The following TASP1 variants were observed in gnomAD, a reference collection of about 807,000 sequenced individuals.
TASP1 encodes taspase 1, also known as threonine aspartase 1.
TASP1 carries 16 observed loss-of-function variants against 56.6 expected under a neutral mutation model. The observed-to-expected ratio is 0.28, with a 90% confidence interval of 0.19 to 0.43. The LOEUF is 0.43. Ranked by LOEUF, TASP1 falls within the 20% of genes least tolerant of loss-of-function variation. TASP1 has a pLI of 1.00. For synonymous variants in TASP1, 179 were observed against 184.2 expected (o/e 0.97, Z 0.23); for missense variants, 393 against 511.6 (o/e 0.77, Z 2.24).
intron 13 of TASP1, among the ~76,000 whole-genome samples, chr20:13,416,639 A>G (rs2042264679): frequency 6.6e-6 from 1 of 152,226 alleles, no homozygotes; most frequent in Admixed American, 6.5e-5. Flanking sequence ...AAAATAAATC[A>G]TTTCTTTTAA....
chr20:13,387,184 ATTTTTTTTTTTTTTTTT>A (rs779048448), downstream of TASP1, among the ~76,000 whole-genome samples: 1 of 70,694 alleles, frequency 1.4e-5, no homozygotes, highest in African/African-American at 6.7e-5. Flanking sequence ...ACATGATTTC[ATTTTTTTTTTTTTTTTT>A]TTTTTTTTTG....
chr20:13,195,728 T>C, the TASP1 span, among the ~76,000 whole-genome samples: 1 of 152,138 alleles, frequency 6.6e-6, no homozygotes, highest in Non-Finnish European at 1.5e-5. Context: ...AATGAAGACA[T>C]AGAACAAACT....
the TASP1 span, among the ~76,000 whole-genome samples, chr20:13,375,222 A>G: frequency 6.6e-6 from 1 of 151,886 alleles, no homozygotes; most frequent in African/African-American, 2.4e-5. Context: ...TCCTAATGCT[A>G]TCCCTCCCCG....
chr20:13,623,625 T>C, intron 3 of TASP1, 111 bp from the exon 4 acceptor site: 1 of 755,902 alleles, frequency 1.3e-6, no homozygotes, highest in East Asian at 2.6e-5. Context: ...TGACCACTAG[T>C]TCCATTCCAT....
intron 8 of TASP1, among the ~76,000 whole-genome samples, chr20:13,537,687 A>T (rs1309821881): frequency 6.6e-6 from 1 of 152,184 alleles, no homozygotes; most frequent in East Asian, 1.9e-4. Context: ...TAAAATTGTA[A>T]CTAAAAAGCA....
the TASP1 span, among the ~76,000 whole-genome samples, chr20:13,156,609 C>G: frequency 6.6e-6 from 1 of 152,178 alleles, no homozygotes; most frequent in African/African-American, 2.4e-5. Context: ...GATGTCCATA[C>G]AGCATTTGGC....
At chr20:13,371,698 C>T in the TASP1 span, among the ~76,000 whole-genome samples, 1 of 152,014 alleles carries the variant, frequency 6.6e-6, no homozygotes, top group African/African-American at 2.4e-5. Context: ...CTTGTATTTC[C>T]TTGTTGATCT....
the TASP1 span, among the ~76,000 whole-genome samples, chr20:13,190,125 G>T: frequency 6.6e-6 from 1 of 152,074 alleles, no homozygotes; most frequent in South Asian, 2.1e-4. Flanking sequence ...ATAAAGATAG[G>T]AACAATACAC....
chr20:13,149,272 C>T, the TASP1 span, among the ~76,000 whole-genome samples: 4 of 152,168 alleles, frequency 2.6e-5, no homozygotes, highest in Admixed American at 6.5e-5. Context: ...GGGATGTGGC[C>T]GCAGTGCCCA....
chr20:13,233,612 AAAG>A, the TASP1 span, among the ~76,000 whole-genome samples: 1 of 152,156 alleles, frequency 6.6e-6, no homozygotes, highest in South Asian at 2.1e-4. Flanking sequence ...AAAAAAAAAA[AAAG>A]GAGATCCCAT....
At chr20:13,213,983 G>A in the TASP1 span, among the ~76,000 whole-genome samples, 8,830 of 152,250 alleles carry the variant, frequency 0.058, 684 homozygotes, top group East Asian at 0.19. Context: ...GTGGACTGTT[G>A]AAGACCGAAG....
the TASP1 span, among the ~76,000 whole-genome samples, chr20:13,218,433 T>C: frequency 1.3e-5 from 2 of 151,936 alleles, no homozygotes; most frequent in Non-Finnish European, 2.9e-5. Flanking sequence ...AACTAGATAC[T>C]GGGATGGAGG....
At chr20:13,193,145 A>G in the TASP1 span, among the ~76,000 whole-genome samples, 1 of 152,236 alleles carries the variant, frequency 6.6e-6, no homozygotes. Context: ...ATCATAGAAA[A>G]TGCTTAATTA....
At chr20:13,255,411 G>A in the TASP1 span, among the ~76,000 whole-genome samples, 1 of 151,956 alleles carries the variant, frequency 6.6e-6, no homozygotes, top group Non-Finnish European at 1.5e-5. Context: ...GCCAGAAACT[G>A]GACAAAAATA....
the TASP1 span, among the ~76,000 whole-genome samples, chr20:13,130,578 C>T: frequency 5.3e-5 from 8 of 152,240 alleles, no homozygotes; most frequent in African/African-American, 1.4e-4. Flanking sequence ...TGTTTATGCA[C>T]AAACAGCCAC....
At chr20:13,429,771 C>T (rs940548340) in intron 12 of TASP1, among the ~76,000 whole-genome samples, 1 of 152,126 alleles carries the variant, frequency 6.6e-6, no homozygotes, top group Admixed American at 6.5e-5. Context: ...TTAGCTTAGA[C>T]GTATAGTAAA....
intron 11 of TASP1, among the ~76,000 whole-genome samples, chr20:13,450,923 A>T (rs923947056): frequency 6.6e-6 from 1 of 152,136 alleles, no homozygotes; most frequent in African/African-American, 2.4e-5. Context: ...CATCAGAAGA[A>T]TCACTATCTA....
the TASP1 span, among the ~76,000 whole-genome samples, chr20:13,169,308 T>C: frequency 2.0e-5 from 3 of 152,070 alleles, no homozygotes; most frequent in South Asian, 6.2e-4. Flanking sequence ...AATGGGAGTA[T>C]TTACACCATG....
the TASP1 span, among the ~76,000 whole-genome samples, chr20:13,118,421 T>C: frequency 7.3e-6 from 1 of 137,842 alleles, no homozygotes; most frequent in Non-Finnish European, 1.5e-5. Context: ...CCTGTCATTC[T>C]AGTGCCAATA....
Sources: gnomAD v4.1 joint callset for allele counts (sites outside exome capture counted in the v4.1 genomes callset) on GRCh38, gnomAD v4.1.1 for gene constraint, MANE v1.5 for transcripts, NCBI Gene and HGNC (gene_info 2026-07-23, HGNC 2026-07-21) for gene names.